Variants in JMJD6 observed in about 807,000 individuals in gnomAD.
The protein encoded by JMJD6 is bifunctional arginine demethylase and lysyl-hydroxylase JMJD6.
JMJD6 carries 17 observed loss-of-function variants against 45.8 expected under a neutral mutation model. The ratio of observed to expected loss-of-function variants is 0.37; its 90% confidence interval spans 0.25 to 0.56. JMJD6 has a LOEUF of 0.56. JMJD6 is among the 20% of genes least tolerant of loss of function. The probability of loss-of-function intolerance (pLI) is 0.79; values close to 1 mark genes in which losing one functional copy is unlikely to be tolerated. For synonymous variants in JMJD6, 221 were observed against 196.3 expected (o/e 1.13, Z -1.05); for missense variants, 470 against 517.5 (o/e 0.91, Z 0.89).
At position 76,725,818 on chromosome 17, in the gene JMJD6, A is replaced by C. The variant is rs2076912002; in HGVS notation, c.167T>G (p.Val56Gly). Residue 56 changes from valine (V) to glycine (G), a missense_variant, in exon 2 of 6, where the codon GTG becomes GGG. By Grantham distance (109) the Val-to-Gly change is moderately radical (BLOSUM62 -3). This residue lies in a region of JMJD6 where 346 missense variants were observed against 339.5 expected (regional missense o/e 1.02). Coordinates refer to ENST00000397625, the MANE Select transcript of JMJD6 (RefSeq NM_015167.3). Reference sequence around the variant, plus strand: ...TTCATACCGCTCCACAAATTCTTCCACAGACAGCTGTAAAGCATCTGCCCT... The same window carrying C: ...TTCATACCGCTCCACAAATTCTTCCCCAGACAGCTGTAAAGCATCTGCCCT... ...VERADALQLS[V>G]EEFVERYERP... The C allele has an allele frequency of 1.9e-6, 3 of 1,613,534 alleles. No homozygotes were observed. The highest frequency in any genetic ancestry group is 2.5e-6 in the Non-Finnish European group (3 of 1,179,954).
In JMJD6 at chr17:76,722,840, G is replaced by A. The variant is rs549763309; in HGVS notation, c.806-907C>T. Among the ~76,000 whole-genome samples, 3 of 61,242 alleles carry A rather than the reference G, an allele frequency of 4.9e-5. No homozygotes were observed. In the East Asian group the frequency reaches 1.4e-3, roughly 29 times the overall value. 40.2% of individuals were successfully genotyped at this position (61,242 alleles called of 152,430 possible). On this transcript the variant is annotated intron_variant, in intron 3 of 5. Coordinates refer to ENST00000397625, the MANE Select transcript of JMJD6 (RefSeq NM_015167.3). ...CAGCCTGGGTGACAGAGCGAGACTT[G>A]GTCTCAAAAAAAAAAAAAAAAAAAA...
downstream of JMJD6, among the ~76,000 whole-genome samples, chr17:76,718,194 C>T (rs928404960): frequency 1.4e-5 from 2 of 143,360 alleles, no homozygotes; most frequent in Admixed American, 1.4e-4. Context: ...TTTGACAAAT[C>T]AGAGTTTTCT....
At chr17:76,719,372 T>G (rs1252017053) in intron 5 of JMJD6, among the ~76,000 whole-genome samples, 4 of 152,172 alleles carry the variant, frequency 2.6e-5, no homozygotes, top group African/African-American at 9.7e-5. Flanking sequence ...CACCGTAGCC[T>G]TCGCCTCCTG....
downstream of JMJD6, chr17:76,715,952 A>G (rs1398834883): frequency 2.0e-5 from 3 of 152,224 alleles, no homozygotes; most frequent in South Asian, 2.1e-4. Flanking sequence ...CAAAGTGAGC[A>G]CTTCTTATGG....
In JMJD6 at chr17:76,725,665, C is replaced by T. The variant is rs1490868904; in HGVS notation, c.320G>A (p.Gly107Asp). 1 of 1,614,022 alleles carries T rather than the reference C, an allele frequency of 6.2e-7. No individual in the cohort carries two copies. Among genetic ancestry groups the T allele is most frequent in the South Asian group, 1.1e-5 (1 of 91,076 alleles). The change falls in exon 2 of 6, where the codon GGC becomes GAC. Residue 107 changes from glycine (G) to aspartate (D), a missense_variant. Around this residue, in one of 4 missense-constraint regions of JMJD6, gnomAD observed 346 missense variants for 339.5 expected, o/e 1.02. Coordinates refer to ENST00000397625, the MANE Select transcript of JMJD6 (RefSeq NM_015167.3). ...QKFKCGEDND[G>D]YSVKMKMKYY... ...TTTCATCTTCATCTTCACTGAGTAG[C>T]CATCGTTATCCTCACCACACTTGAA...
downstream of JMJD6, chr17:76,716,539 A>G (rs537412269): frequency 3.7e-4 from 259 of 707,306 alleles, 1 homozygote; most frequent in Middle Eastern, 1.5e-3. Context: ...ACAGCATTTG[A>G]CCGAAGATAG....
At chr17:76,715,619 C>T (rs2143714205), downstream of JMJD6, 1 of 152,364 alleles carries the variant, frequency 6.6e-6, no homozygotes, top group East Asian at 1.9e-4. Flanking sequence ...GCAGTGAGAG[C>T]TCCTTCCCAC....
intron 3 of JMJD6, among the ~76,000 whole-genome samples, chr17:76,723,034 C>G (rs1449936075): frequency 6.6e-6 from 1 of 150,882 alleles, no homozygotes; most frequent in Admixed American, 6.6e-5. Context: ...GCAGCCTCCT[C>G]TTCCGGATTC....
chr17:76,721,149 C>T (rs574039318), intron 4 of JMJD6: 2 of 226,176 alleles, frequency 8.8e-6, no homozygotes, highest in East Asian at 9.6e-5. Flanking sequence ...GCCTACGGGG[C>T]GGGGTAAGTG....
At chr17:76,720,708 T>C (rs9915282) in intron 4 of JMJD6, 489,807 of 491,586 alleles carry the variant, frequency 1, 244,037 homozygotes, top group East Asian at 1. Context: ...GCAAGGAAAA[T>C]TATACTAACT....
At chr17:76,717,623 G>A (rs1010023121), downstream of JMJD6, among the ~76,000 whole-genome samples, 1 of 151,984 alleles carries the variant, frequency 6.6e-6, no homozygotes, top group African/African-American at 2.4e-5. Flanking sequence ...TGAGGTGGGG[G>A]GATCACTTGA....
downstream of JMJD6, chr17:76,714,748 T>C (rs1446223419): frequency 6.6e-6 from 1 of 152,264 alleles, no homozygotes; most frequent in Non-Finnish European, 1.5e-5. Flanking sequence ...TCTGGAATAC[T>C]GTTATCAAAC....
chr17:76,718,586 T>C lies in JMJD6; in HGVS notation c.*143A>G, dbSNP rs748756362. On this transcript the variant is annotated 3_prime_UTR_variant, in exon 6 of 6. Coordinates refer to ENST00000397625, the MANE Select transcript of JMJD6 (RefSeq NM_015167.3). Reference sequence around the variant, plus strand: ...GAAAGCTACTGGAGCAAACGCTAAGTGAATGGGTTCCCGTGCCGAGGGTGT... The same window carrying C: ...GAAAGCTACTGGAGCAAACGCTAAGCGAATGGGTTCCCGTGCCGAGGGTGT... 4.0e-5 allele frequency: 58 copies of C among 1,442,722 alleles called. No homozygotes were observed. In the Admixed American group the frequency reaches 4.8e-4, roughly 12 times the overall value. The allele number at this position is 1,442,722 out of a possible 1,614,324, so 89.4% of individuals were successfully genotyped here.
chr17:76,716,591 AGAG>A (rs1248776439), downstream of JMJD6: 163 of 1,134,408 alleles, frequency 1.4e-4, 1 homozygote, highest in Admixed American at 2.8e-3. Flanking sequence ...CAAAGAAGAC[AGAG>A]GAGAAGGTAG....
chr17:76,721,862 T>C lies in JMJD6; in HGVS notation c.877A>G (p.Asn293Asp), dbSNP rs144947109. ...AITQNFASST[N>D]FPVVWHKTVR... ...GTCTTGTGCCATACCACAGGGAAGT[T>C]GGTGCTGCTGGCAAAATTTTGGGTG... The change falls in exon 4 of 6, where the codon AAC becomes GAC. Residue 293 changes from asparagine to aspartate, a missense_variant. Physicochemically the swap from Asn to Asp is conservative, Grantham distance 23. Coordinates refer to ENST00000397625, the MANE Select transcript of JMJD6 (RefSeq NM_015167.3). 1 of 1,614,186 alleles carries C rather than the reference T, an allele frequency of 6.2e-7. No homozygotes were observed. The highest frequency in any genetic ancestry group is 8.5e-7 in the Non-Finnish European group (1 of 1,180,026).
chr17:76,715,244 A>G (rs58856914), downstream of JMJD6: 1 of 152,344 alleles, frequency 6.6e-6, no homozygotes, highest in African/African-American at 2.4e-5. Flanking sequence ...GAGATTATAC[A>G]TTCAGAGTTT....
In JMJD6 at chr17:76,723,765, T is replaced by G; in HGVS notation, c.805+7A>C. ...AAAGAATGTACTTTCTTCCAGTTCATCTATACCTGGTACAAAGACAGTCTC... is the reference window on the plus strand; with the variant it reads ...AAAGAATGTACTTTCTTCCAGTTCAGCTATACCTGGTACAAAGACAGTCTC... On this transcript the variant is annotated splice_region_variant and intron_variant, in intron 3 of 5. Transcript: ENST00000397625. 1 of 1,613,600 alleles carries G rather than the reference T, an allele frequency of 6.2e-7. No individual in the cohort carries two copies. Among genetic ancestry groups the G allele is most frequent in the Non-Finnish European group, 8.5e-7 (1 of 1,179,592 alleles).
intron 4 of JMJD6, among the ~76,000 whole-genome samples, 195 bp downstream of exon 4, chr17:76,721,603 C>T (rs1224219045): frequency 1.3e-5 from 2 of 152,136 alleles, no homozygotes; most frequent in African/African-American, 4.8e-5. Context: ...CTCACCCTGC[C>T]ACCTCGAGGC....
chr17:76,716,485 A>T, downstream of JMJD6: 2 of 566,898 alleles, frequency 3.5e-6, no homozygotes, highest in South Asian at 4.5e-5. Context: ...GAGCTGGCCG[A>T]GCTGTTAAAT....
Sources: allele counts gnomAD v4.1 joint callset (sites outside exome capture counted in the v4.1 genomes callset), GRCh38; gene constraint gnomAD v4.1.1; regional missense constraint gnomAD v4.1.1; transcripts MANE v1.5; gene names NCBI Gene and HGNC (gene_info 2026-07-23, HGNC 2026-07-21).